Variants in CAMTA1 observed in about 807,000 individuals in gnomAD.
CAMTA1 encodes the protein calmodulin-binding transcription activator 1.
Under a neutral mutation model 170.9 loss-of-function variants are expected in CAMTA1, and 27 were observed. The observed-to-expected ratio is 0.16, with a 90% CI of 0.12 to 0.22. CAMTA1 has a LOEUF of 0.22. Among genes scored for constraint, CAMTA1 ranks in the 10% least tolerant of loss-of-function variants. CAMTA1 has a pLI of 1.00. For missense variants in CAMTA1, 1,619 were observed against 2,217.2 expected, an observed-to-expected ratio of 0.73 and a Z score of 5.42; for synonymous variants, 833 against 891.5, an observed-to-expected ratio of 0.93 and a Z score of 1.17.
At chr1:7,218,722 G>T (rs1440783860) in intron 4 of CAMTA1, among the ~76,000 whole-genome samples, 1 of 152,002 alleles carries the variant, frequency 6.6e-6, no homozygotes, top group Non-Finnish European at 1.5e-5. Context: ...AACTCTCCAT[G>T]CTCGACGTCT....
intron 4 of CAMTA1, among the ~76,000 whole-genome samples, chr1:7,200,583 A>G (rs12080600): frequency 0.091 from 13,854 of 152,176 alleles, 1,929 homozygotes; most frequent in African/African-American, 0.3. Flanking sequence ...TGACGAGTAC[A>G]GGCCTGCTAT....
chr1:7,236,022 C>T (rs1237339699), intron 4 of CAMTA1, among the ~76,000 whole-genome samples: 3 of 152,192 alleles, frequency 2.0e-5, no homozygotes, highest in Non-Finnish European at 4.4e-5. Context: ...GCCTTCTCTT[C>T]CCCCTCTTTT....
At chr1:7,497,949 G>A (rs538182560) in intron 6 of CAMTA1, among the ~76,000 whole-genome samples, 15 of 152,284 alleles carry the variant, frequency 9.9e-5, no homozygotes, top group African/African-American at 2.9e-4. Context: ...CGGAAGACAG[G>A]CCTTGTCTGC....
chr1:7,140,982 A>C (rs1282965082), intron 4 of CAMTA1, among the ~76,000 whole-genome samples: 1 of 152,222 alleles, frequency 6.6e-6, no homozygotes, highest in Non-Finnish European at 1.5e-5. Flanking sequence ...GTCTACCGAC[A>C]GAAGATGAAG....
intron 6 of CAMTA1, among the ~76,000 whole-genome samples, chr1:7,518,590 C>T (rs906194468): frequency 1.3e-5 from 2 of 152,096 alleles, no homozygotes; most frequent in East Asian, 3.9e-4. Flanking sequence ...GAGCCTGGGC[C>T]GCCCACACTG....
chr1:7,146,984 G>A lies in CAMTA1; in HGVS notation c.302+55613G>A, dbSNP rs1646231854. ...CATATGCCGTGCACACACACAGAAA[G>A]TTACAGCACGCACACACGCACTCAA... On this transcript the variant is annotated intron_variant, in intron 4 of 22. Transcript: ENST00000303635. The surrounding 1 kb of genome is among the most constrained non-coding windows in gnomAD (Gnocchi z 4.3). 6.6e-6 allele frequency among the ~76,000 whole-genome samples: 1 copy of A among 151,228 alleles called. No individual in the cohort carries two copies. The highest frequency in any genetic ancestry group is 6.6e-5 in the Admixed American group (1 of 15,164).
At position 6,937,543 on chromosome 1, in the gene CAMTA1, CT is replaced by C. The variant is rs1228064030; in HGVS notation, c.234+112335del. On this transcript the variant is annotated intron_variant, in intron 3 of 22. Coordinates refer to ENST00000303635, the MANE Select transcript of CAMTA1 (RefSeq NM_015215.4). ...TCACCATCACCATCACCATTCACCA[CT>C]TACCACTACCATCATCACCATTCAC... is the stretch of plus-strand genomic sequence containing the variant. 5.3e-4 allele frequency among the ~76,000 whole-genome samples: 10 copies of C among 18,956 alleles called. 1 individual carries two copies. The highest frequency in any genetic ancestry group is 8.2e-4 in the Non-Finnish European group (8 of 9,720). The allele number at this position is 18,956 out of a possible 152,430, so 12.4% of individuals were successfully genotyped here.
At chr1:6,899,554 G>GTGCA (rs1553179683) in intron 3 of CAMTA1, among the ~76,000 whole-genome samples, 3 of 141,086 alleles carry the variant, frequency 2.1e-5, no homozygotes, top group African/African-American at 2.6e-5. Flanking sequence ...ACGCGCGCGC[G>GTGCA]CACACACACA....
chr1:7,189,489 C>T (rs111376192), intron 4 of CAMTA1, among the ~76,000 whole-genome samples: 2,177 of 152,236 alleles, frequency 0.014, 18 homozygotes, highest in Middle Eastern at 0.027. Context: ...ATAGAGAGTT[C>T]TCAAAAGAAT....
At chr1:7,546,288 A>G (rs999391603) in intron 6 of CAMTA1, among the ~76,000 whole-genome samples, 2 of 152,196 alleles carry the variant, frequency 1.3e-5, no homozygotes, top group East Asian at 3.8e-4. Flanking sequence ...TTTGCTGAGG[A>G]TAACAGCTTC....
intron 7 of CAMTA1, among the ~76,000 whole-genome samples, chr1:7,647,205 C>G (rs528091780): frequency 6.6e-6 from 1 of 151,822 alleles, no homozygotes; most frequent in African/African-American, 2.4e-5. Context: ...TGCCAGTACC[C>G]AAGCCTGGGG....
intron 3 of CAMTA1, among the ~76,000 whole-genome samples, chr1:6,941,338 G>A (rs1351668994): frequency 6.6e-6 from 1 of 152,188 alleles, no homozygotes. Flanking sequence ...GGCCCCCAAA[G>A]CCTTCTTGAA....
intron 6 of CAMTA1, among the ~76,000 whole-genome samples, chr1:7,602,829 A>G (rs1209772193): frequency 2.0e-5 from 3 of 152,158 alleles, no homozygotes; most frequent in Non-Finnish European, 4.4e-5. Context: ...TGCTTTGAAT[A>G]TGTCCCAGAG....
intron 11 of CAMTA1, among the ~76,000 whole-genome samples, chr1:7,699,050 T>C (rs985923037): frequency 6.6e-6 from 1 of 152,242 alleles, no homozygotes; most frequent in Admixed American, 6.5e-5. Flanking sequence ...TTAAATCCAT[T>C]GATTTCTATT....
At chr1:6,893,896 G>A (rs1237245788) in intron 3 of CAMTA1, among the ~76,000 whole-genome samples, 1 of 152,214 alleles carries the variant, frequency 6.6e-6, no homozygotes, top group Non-Finnish European at 1.5e-5. Context: ...TCACACAGGT[G>A]ACCCAGGCAT....
chr1:7,737,841 A>T (rs2096783192), intron 15 of CAMTA1, 118 bp from the exon 16 acceptor site: 1 of 995,564 alleles, frequency 1.0e-6, no homozygotes, highest in South Asian at 1.6e-5. Context: ...AATGTTAGGG[A>T]CGTGTCTTGA....
chr1:7,511,874 G>T (rs1467906938), intron 6 of CAMTA1, among the ~76,000 whole-genome samples: 1 of 152,184 alleles, frequency 6.6e-6, no homozygotes, highest in Non-Finnish European at 1.5e-5. Flanking sequence ...ACCATCCCCT[G>T]GGAGACAAGA....
chr1:7,501,166 G>T (rs2093999612), intron 6 of CAMTA1, among the ~76,000 whole-genome samples: 1 of 152,100 alleles, frequency 6.6e-6, no homozygotes, highest in African/African-American at 2.4e-5. Context: ...ATTCTCCCCA[G>T]ACCCTCCAGG....
At chr1:7,613,979 G>A (rs1428629073) in intron 6 of CAMTA1, among the ~76,000 whole-genome samples, 1 of 148,580 alleles carries the variant, frequency 6.7e-6, no homozygotes, top group African/African-American at 2.5e-5. Flanking sequence ...GCAATGGGTG[G>A]GGAGGGCAGG....
Sources: allele counts gnomAD v4.1 joint callset (sites outside exome capture counted in the v4.1 genomes callset), GRCh38; gene constraint gnomAD v4.1.1; non-coding constraint Gnocchi (gnomAD v3.1); transcripts MANE v1.5; gene names NCBI Gene and HGNC (gene_info 2026-07-23, HGNC 2026-07-21).